Variants in AKT3 observed in about 807,000 individuals in gnomAD.
AKT3 encodes AKT serine/threonine kinase 3.
In AKT3, 15 loss-of-function variants were observed where a neutral mutation model predicts 65.3. The ratio of observed to expected loss-of-function variants is 0.23; its 90% CI spans 0.15 to 0.35. The LOEUF (loss-of-function observed/expected upper bound fraction) is 0.35, where lower values mean the gene tolerates loss of function less well. AKT3 is among the 10% of genes least tolerant of loss of function. The pLI, the probability that AKT3 is intolerant of heterozygous loss-of-function variation, is 1.00. For missense variants in AKT3, 243 were observed against 576.5 expected, an observed-to-expected ratio of 0.42 and a Z score of 5.92; for synonymous variants, 206 against 183.8, an observed-to-expected ratio of 1.12 and a Z score of -0.98.
intron 12 of AKT3, among the ~76,000 whole-genome samples, chr1:243,533,220 T>C (rs1029967988): frequency 2.0e-5 from 3 of 152,156 alleles, no homozygotes; most frequent in Non-Finnish European, 4.4e-5. Context: ...CAAAAAGATA[T>C]AACAATACTA....
intron 2 of AKT3, among the ~76,000 whole-genome samples, chr1:243,803,655 C>CGT: frequency 8.1e-6 from 1 of 123,882 alleles, no homozygotes; most frequent in African/African-American, 4.5e-5. Context: ...TACACACACA[C>CGT]ACACACACAC....
chr1:243,798,412 T>TG (rs1692177890), intron 2 of AKT3, among the ~76,000 whole-genome samples: 1 of 137,932 alleles, frequency 7.2e-6, no homozygotes, highest in East Asian at 2.1e-4. Flanking sequence ...TTTTTTTTTT[T>TG]TTTTTGTTTT....
intron 11 of AKT3, among the ~76,000 whole-genome samples, chr1:243,552,080 G>A (rs1421485441): frequency 2.0e-5 from 3 of 151,852 alleles, no homozygotes; most frequent in East Asian, 1.9e-4. Context: ...ACTTGAGGTC[G>A]GGAGTTCAAG....
chr1:243,679,293 G>T (rs1024534277), intron 3 of AKT3, among the ~76,000 whole-genome samples: 5 of 152,092 alleles, frequency 3.3e-5, no homozygotes, highest in African/African-American at 9.7e-5. Flanking sequence ...ACTACACAAG[G>T]GTTGAAGCCC....
At chr1:243,775,771 A>G (rs1439045425) in intron 2 of AKT3, among the ~76,000 whole-genome samples, 1 of 152,248 alleles carries the variant, frequency 6.6e-6, no homozygotes, top group Non-Finnish European at 1.5e-5. Flanking sequence ...AATGTTTAAT[A>G]CAGAACTTTA....
chr1:243,532,123 T>A (rs1376544587), intron 12 of AKT3, among the ~76,000 whole-genome samples: 1 of 152,228 alleles, frequency 6.6e-6, no homozygotes, highest in East Asian at 1.9e-4. Flanking sequence ...ATTTAACTCC[T>A]CTGGCTACAG....
At chr1:243,582,050 AT>A (rs1157789679) in intron 8 of AKT3, among the ~76,000 whole-genome samples, 1 of 152,092 alleles carries the variant, frequency 6.6e-6, no homozygotes, top group Non-Finnish European at 1.5e-5. Context: ...TAAAGAAAAA[AT>A]AATTTTAAAA....
At chr1:243,697,842 T>A (rs1685155950) in intron 2 of AKT3, among the ~76,000 whole-genome samples, 1 of 152,048 alleles carries the variant, frequency 6.6e-6, no homozygotes, top group Non-Finnish European at 1.5e-5. Flanking sequence ...GAGGTGATAA[T>A]ACTCTACATG....
chr1:243,616,527 G>C (rs1190370271), intron 6 of AKT3, among the ~76,000 whole-genome samples: 2 of 152,076 alleles, frequency 1.3e-5, no homozygotes, highest in Non-Finnish European at 2.9e-5. Flanking sequence ...TCTTAAAGAA[G>C]AAACGAAAGG....
rs115661377 is a variant in AKT3 at position 243,726,220 on chromosome 1, A to G, written c.47-30504T>C. On this transcript the variant is annotated intron_variant, in intron 2 of 13. Transcript: ENST00000673466. ...ACGCCCCAATATGTAAGCCAAATCC[A>G]TTTCAATTATTTACGAAAGGCAGAT... is the stretch of plus-strand genomic sequence containing the variant. Among the ~76,000 whole-genome samples the G allele has an allele frequency of 4.2e-3, 638 of 152,302 alleles. 5 individuals are homozygous for G. Among genetic ancestry groups the G allele is most frequent in the African/African-American group, 0.015 (613 of 41,564 alleles).
intron 2 of AKT3, among the ~76,000 whole-genome samples, chr1:243,806,085 A>G (rs528062342): frequency 6.6e-6 from 1 of 152,188 alleles, no homozygotes; most frequent in Admixed American, 6.5e-5. Flanking sequence ...TTCTCACCCA[A>G]AAAAATTCCT....
intron 2 of AKT3, among the ~76,000 whole-genome samples, chr1:243,810,353 G>A (rs532385068): frequency 4.7e-4 from 71 of 151,978 alleles, no homozygotes; most frequent in Non-Finnish European, 7.9e-4. Context: ...TATCACCACC[G>A]ATCTCACAGA....
At chr1:243,613,249 C>T (rs575659039) in intron 8 of AKT3, among the ~76,000 whole-genome samples, 94 of 151,046 alleles carry the variant, frequency 6.2e-4, no homozygotes, top group Middle Eastern at 3.4e-3. Context: ...AGAGAAAACT[C>T]AGCCATAATG....
upstream of AKT3, chr1:243,851,041 G>A (rs971991165): frequency 6.6e-6 from 1 of 152,328 alleles, no homozygotes; most frequent in Non-Finnish European, 1.5e-5. Flanking sequence ...CGGCGCGAGG[G>A]CTCGCACCTG....
chr1:243,698,232 C>T lies in AKT3; in HGVS notation c.47-2516G>A, dbSNP rs186949602. On this transcript the variant is annotated intron_variant, in intron 2 of 13. Coordinates refer to ENST00000673466, the MANE Select transcript of AKT3 (RefSeq NM_005465.7). ...TTAGACTTCAAATGTTGTTGTACAG[C>T]AATAAGAGATTTATACTGGTACAAT... Among the ~76,000 whole-genome samples the T allele has an allele frequency of 1.8e-4, 28 of 151,836 alleles. 1 individual carries two copies. In the East Asian group the frequency reaches 3.7e-3, roughly 20 times the overall value.
chr1:243,737,405 G>A (rs550645410), intron 2 of AKT3, among the ~76,000 whole-genome samples: 7 of 152,220 alleles, frequency 4.6e-5, no homozygotes, highest in African/African-American at 1.7e-4. Context: ...CAGGTTAGGA[G>A]CCCCTTCTGT....
chr1:243,520,765 T>A (rs1670667744), intron 12 of AKT3, among the ~76,000 whole-genome samples: 1 of 152,224 alleles, frequency 6.6e-6, no homozygotes, highest in African/African-American at 2.4e-5. Flanking sequence ...AAGACATCAA[T>A]TTCATCTCAC....
intron 2 of AKT3, among the ~76,000 whole-genome samples, chr1:243,836,843 C>T (rs1328652427): frequency 2.8e-5 from 4 of 145,002 alleles, no homozygotes; most frequent in East Asian, 2.1e-4. Context: ...ATCCAGGAGG[C>T]GGAGGTTGCA....
chr1:243,596,176 C>A (rs1356016308), intron 8 of AKT3, among the ~76,000 whole-genome samples: 3 of 152,028 alleles, frequency 2.0e-5, no homozygotes, highest in Admixed American at 6.5e-5. Flanking sequence ...AGATGTGTGA[C>A]CTGGGGTACA....
Sources: allele counts gnomAD v4.1 joint callset (sites outside exome capture counted in the v4.1 genomes callset), GRCh38; gene constraint gnomAD v4.1.1; transcripts MANE v1.5; gene names NCBI Gene and HGNC (gene_info 2026-07-23, HGNC 2026-07-21).